CAMK2B: variants seen among roughly 807,000 people sequenced by gnomAD.
CAMK2B encodes the protein calcium/calmodulin dependent protein kinase II beta.
Under a neutral mutation model 93.7 loss-of-function variants are expected in CAMK2B, and 27 were observed. The ratio of observed to expected loss-of-function variants is 0.29; its 90% CI spans 0.21 to 0.40. The LOEUF is 0.40. Among genes scored for constraint, CAMK2B ranks in the 10% least tolerant of loss-of-function variants. The pLI is 1.00. For missense variants in CAMK2B, 568 were observed against 895.8 expected (o/e 0.63, Z 4.67); for synonymous variants, 374 against 358.8 (o/e 1.04, Z -0.48).
intron 2 of CAMK2B, among the ~76,000 whole-genome samples, chr7:44,265,872 C>A (rs746659705): frequency 5.9e-5 from 9 of 152,044 alleles, no homozygotes; most frequent in Non-Finnish European, 1.0e-4. Flanking sequence ...GCTCAGAGAG[C>A]CGCTTGGAAA....
At chr7:44,256,355 ATGTGTGTC>A (rs901028483) in intron 4 of CAMK2B, among the ~76,000 whole-genome samples, 4 of 151,978 alleles carry the variant, frequency 2.6e-5, no homozygotes, top group Non-Finnish European at 5.9e-5. Flanking sequence ...GCACATGTGC[ATGTGTGTC>A]TGTGTGTCTG....
rs186847511 is a variant in CAMK2B at position 44,234,366 on chromosome 7, G to A, written c.1131+24C>T. The A allele has an allele frequency of 1.0e-4, 153 of 1,492,072 alleles. No homozygotes were observed. The African/African-American group carries it at 2.0e-3, about 19-fold the overall frequency. The allele number at this position is 1,492,072 out of a possible 1,614,324, so 92.4% of individuals were successfully genotyped here. A position where few individuals can be genotyped will look rare whatever the true frequency, so the allele number is the denominator to read the frequency against. ...GCCAGGGGCGTAGGAGGGGCTGAGA[G>A]GCAGAATTTGAGGAGCTCAGTACCA... On this transcript the variant is annotated intron_variant, in intron 15 of 23. Coordinates refer to ENST00000395749, the MANE Select transcript of CAMK2B (RefSeq NM_001220.5).
chr7:44,235,447 G>A (rs753719527), intron 13 of CAMK2B, among the ~76,000 whole-genome samples: 3 of 152,182 alleles, frequency 2.0e-5, no homozygotes, highest in Admixed American at 6.5e-5. Flanking sequence ...CCCAGCCCCC[G>A]GTGCCCACAC....
Position 44,225,323 on chromosome 7 carries a change from T to C in CAMK2B, c.1597+1193A>G, listed in dbSNP as rs1717581546. On this transcript the variant is annotated intron_variant, in intron 20 of 23. Coordinates refer to ENST00000395749, the MANE Select transcript of CAMK2B (RefSeq NM_001220.5). The surrounding 1 kb of genome is among the most constrained non-coding windows in gnomAD (Gnocchi z 5.0). ...AAAATCAGATGAGCTGCTGTAGAAG[T>C]GGCAGGTGTCGGGGGTTCTGACCAC... Among the ~76,000 whole-genome samples, 1 of 152,118 alleles carries C rather than the reference T, an allele frequency of 6.6e-6. No homozygotes were observed. The highest frequency in any genetic ancestry group is 6.5e-5 in the Admixed American group (1 of 15,286).
At chr7:44,306,804 A>G (rs1411180362) in intron 1 of CAMK2B, among the ~76,000 whole-genome samples, 7 of 79,560 alleles carry the variant, frequency 8.8e-5, no homozygotes, top group East Asian at 4.1e-4. Context: ...GCAGGGGAGG[A>G]GGGTAAGGGC....
At chr7:44,261,283 G>A (rs534318236) in intron 3 of CAMK2B, among the ~76,000 whole-genome samples, 1 of 152,382 alleles carries the variant, frequency 6.6e-6, no homozygotes, top group African/African-American at 2.4e-5. Flanking sequence ...CCTCTGAGCT[G>A]CCCCACCTGG....
intron 6 of CAMK2B, among the ~76,000 whole-genome samples, chr7:44,245,502 A>G (rs1347875668): frequency 1.3e-5 from 2 of 152,190 alleles, no homozygotes; most frequent in East Asian, 3.9e-4. Context: ...TTGGCTCCAG[A>G]GTTAACCAGA....
intron 5 of CAMK2B, among the ~76,000 whole-genome samples, chr7:44,250,672 G>C (rs2128998998): frequency 6.6e-6 from 1 of 152,174 alleles, no homozygotes. Context: ...TGGGATTACA[G>C]GCATGCGCCA....
chr7:44,222,179 C>A (rs2096416584), intron 20 of CAMK2B, among the ~76,000 whole-genome samples: 1 of 152,200 alleles, frequency 6.6e-6, no homozygotes. Context: ...CTCAAACCCC[C>A]AGAAGTGCAC....
intron 18 of CAMK2B, 78 bp from the exon 19 acceptor site, chr7:44,229,002 G>A: frequency 7.2e-7 from 1 of 1,389,310 alleles, no homozygotes; most frequent in Non-Finnish European, 1.0e-6. Context: ...AGGCCAGTGG[G>A]AGGGGTCCCG....
rs531488635 is a variant in CAMK2B at position 44,240,337 on chromosome 7, C to T, written c.946+370G>A. ...CACCCCGCATCCCTTCTGCCCACCT[C>T]CCGCACAAAACACAATGTTCAGAGC... On this transcript the variant is annotated intron_variant, in intron 12 of 23. Coordinates refer to ENST00000395749, the MANE Select transcript of CAMK2B (RefSeq NM_001220.5). 1.8e-4 allele frequency among the ~76,000 whole-genome samples: 27 copies of T among 152,360 alleles called. No individual in the cohort carries two copies. The East Asian group carries it at 2.3e-3, about 13-fold the overall frequency.
intron 1 of CAMK2B, among the ~76,000 whole-genome samples, chr7:44,310,515 T>G (rs574634936): frequency 3.9e-5 from 6 of 152,324 alleles, no homozygotes; most frequent in African/African-American, 1.4e-4. Context: ...AAAAATGTCC[T>G]TTGTACACCC....
chr7:44,229,896 T>C (rs1055450074), intron 17 of CAMK2B: 7 of 168,792 alleles, frequency 4.1e-5, no homozygotes, highest in African/African-American at 1.4e-4. Context: ...TGAGCCTGCC[T>C]GGACTCTGTA....
intron 2 of CAMK2B, among the ~76,000 whole-genome samples, chr7:44,279,480 G>A (rs2129084906): frequency 6.6e-6 from 1 of 152,346 alleles, no homozygotes; most frequent in East Asian, 1.9e-4. Context: ...GCCCAGAGAG[G>A]CATCCTGCGG....
intron 2 of CAMK2B, among the ~76,000 whole-genome samples, chr7:44,265,209 CT>C (rs2096912607): frequency 6.6e-6 from 1 of 152,250 alleles, no homozygotes; most frequent in African/African-American, 2.4e-5. Context: ...CTCGCTTCTT[CT>C]GACGCGTGTG....
At chr7:44,307,309 C>T (rs553568435) in intron 1 of CAMK2B, among the ~76,000 whole-genome samples, 12 of 42,994 alleles carry the variant, frequency 2.8e-4, no homozygotes, top group Admixed American at 1.3e-3. Flanking sequence ...TGTGAGCAGG[C>T]GGAGGAGGGT....
Position 44,225,817 on chromosome 7 carries a change from G to A in CAMK2B, c.1597+699C>T. 7.8e-7 allele frequency: 1 copy of A among 1,289,372 alleles called. No individual in the cohort carries two copies. The highest frequency in any genetic ancestry group is 1.0e-6 in the Non-Finnish European group (1 of 988,750). 79.9% of individuals were successfully genotyped at this position (1,289,372 alleles called of 1,614,324 possible). A position where few individuals can be genotyped will look rare whatever the true frequency, so the allele number is the denominator to read the frequency against. The stretch of plus-strand genomic sequence containing the variant: ...TGGCCCAGCAGCCTCTTCTCTAAGA[G>A]TATCTCCACACCACCCCCAGTCTGG... On this transcript the variant is annotated intron_variant, in intron 20 of 23. Coordinates refer to ENST00000395749, the MANE Select transcript of CAMK2B (RefSeq NM_001220.5). The surrounding 1 kb of genome is among the most constrained non-coding windows in gnomAD (Gnocchi z 5.0).
At chr7:44,239,250 C>A (rs1304377567) in intron 13 of CAMK2B, among the ~76,000 whole-genome samples, 2 of 147,978 alleles carry the variant, frequency 1.4e-5, no homozygotes, top group African/African-American at 5.0e-5. Context: ...TTCAGACCCC[C>A]CAGCAGCAGG....
intron 1 of CAMK2B, among the ~76,000 whole-genome samples, chr7:44,295,847 A>G (rs1317137241): frequency 6.6e-6 from 1 of 152,174 alleles, no homozygotes; most frequent in Non-Finnish European, 1.5e-5. Flanking sequence ...CCCTCCAGCC[A>G]TCCTGTATGT....
Sources: gnomAD v4.1 joint callset for allele counts (sites outside exome capture counted in the v4.1 genomes callset) on GRCh38, gnomAD v4.1.1 for gene constraint, Gnocchi (gnomAD v3.1) non-coding constraint, MANE v1.5 for transcripts, NCBI Gene and HGNC (gene_info 2026-07-23, HGNC 2026-07-21) for gene names.